Variants in MLLT10 observed in about 807,000 individuals in gnomAD.
MLLT10 encodes protein AF-10.
MLLT10 carries 30 observed loss-of-function variants against 129.1 expected under a neutral mutation model. That is an observed-to-expected ratio of 0.23 (90% confidence interval 0.17 to 0.32). MLLT10 has a LOEUF of 0.32. MLLT10 is among the 10% of genes least tolerant of loss of function. The pLI, the probability that MLLT10 is intolerant of heterozygous loss-of-function variation, is 1.00. For missense variants in MLLT10, 1,119 were observed against 1,268.3 expected (o/e 0.88, Z 1.79); for synonymous variants, 490 against 446.4 (o/e 1.10, Z -1.23).
At chr10:21,549,023 A>G (rs2036545046) in intron 3 of MLLT10, among the ~76,000 whole-genome samples, 1 of 151,712 alleles carries the variant, frequency 6.6e-6, no homozygotes, top group Admixed American at 6.6e-5. Context: ...ATGAGTTGTG[A>G]AGATGTCACT....
In MLLT10 at chr10:21,741,876, A is replaced by G. The variant is rs549180645; in HGVS notation, c.3163-63A>G. On this transcript the variant is annotated intron_variant, in intron 22 of 22. Transcript: ENST00000307729. ...ACATTTTATCTCAGTCACAGTTTCA[A>G]ATTCGGAGAATATTATCAAAAGTTG... The G allele has an allele frequency of 2.5e-5, 39 of 1,545,520 alleles. No individual in the cohort carries two copies. In the African/African-American group the frequency reaches 2.7e-4, roughly 11 times the overall value.
chr10:21,673,796 C>G lies in MLLT10; in HGVS notation c.1498C>G (p.Pro500Ala). Residue 500 changes from proline (P) to alanine (A), a missense_variant, in exon 11 of 23, where the codon CCA (proline) becomes GCA (alanine). By Grantham distance (27) the Pro-to-Ala change is conservative. Around this residue, in one of 5 missense-constraint regions of MLLT10, gnomAD observed 1,004 missense variants for 1,008.7 expected, o/e 1.00. Transcript: ENST00000307729. Reference protein sequence around the residue: ...VSHLSVSSASPTSSVASAAGS... With the variant: ...VSHLSVSSASATSSVASAAGS... ...TCATCTCTCAGTTTCTTCTGCTTCA[C>G]CAACATCATCTGTAGCATCAGCTGC... 1 of 1,614,176 alleles carries G rather than the reference C, an allele frequency of 6.2e-7. No individual in the cohort carries two copies. The highest frequency in any genetic ancestry group is 8.5e-7 in the Non-Finnish European group (1 of 1,180,020).
intron 13 of MLLT10, among the ~76,000 whole-genome samples, chr10:21,712,434 G>A (rs78521317): frequency 3.5e-3 from 527 of 152,128 alleles, no homozygotes; most frequent in African/African-American, 0.012. Flanking sequence ...CTATGTTGAT[G>A]TTTTTTTGGA....
chr10:21,670,309 C>T, intron 9 of MLLT10, 140 bp from the exon 10 acceptor site: 1 of 672,816 alleles, frequency 1.5e-6, no homozygotes. Flanking sequence ...GGATGATTTT[C>T]TTAGGTGAAC....
intron 2 of MLLT10, among the ~76,000 whole-genome samples, 173 bp downstream of exon 2, chr10:21,534,977 G>A (rs935886258): frequency 6.7e-6 from 1 of 149,484 alleles, no homozygotes; most frequent in African/African-American, 2.4e-5. Flanking sequence ...GAGAAAGTGC[G>A]TGTGGCCCGG....
chr10:21,674,735 A>C (rs1254786964), intron 11 of MLLT10, among the ~76,000 whole-genome samples: 1 of 152,204 alleles, frequency 6.6e-6, no homozygotes, highest in African/African-American at 2.4e-5. Context: ...AATGGTTTTC[A>C]ATAAATGTTG....
intron 3 of MLLT10, among the ~76,000 whole-genome samples, chr10:21,542,216 CTT>C (rs1300050456): frequency 6.6e-6 from 1 of 152,138 alleles, no homozygotes; most frequent in Non-Finnish European, 1.5e-5. Flanking sequence ...TGCTTCCACT[CTT>C]TTATTCTCTC....
intron 8 of MLLT10, among the ~76,000 whole-genome samples, chr10:21,635,549 A>G (rs1273422656): frequency 6.6e-6 from 1 of 151,912 alleles, no homozygotes; most frequent in Non-Finnish European, 1.5e-5. Context: ...TAGTTTTAGT[A>G]GAGACTGTGT....
intron 8 of MLLT10, among the ~76,000 whole-genome samples, chr10:21,622,634 C>T (rs901030819): frequency 2.6e-5 from 4 of 152,048 alleles, no homozygotes; most frequent in Non-Finnish European, 5.9e-5. Flanking sequence ...TTTGTTATGC[C>T]TGTTAATGTT....
intron 3 of MLLT10, chr10:21,541,342 T>G (rs2035123440): frequency 6.6e-6 from 1 of 151,928 alleles, no homozygotes. Context: ...CGCAGCTTCC[T>G]GAGTAGCTGG....
intron 3 of MLLT10, among the ~76,000 whole-genome samples, chr10:21,577,003 A>G (rs2040839115): frequency 6.6e-6 from 1 of 152,210 alleles, no homozygotes; most frequent in Admixed American, 6.5e-5. Context: ...CTCAAGAAGA[A>G]GCCCTTTGGC....
intron 3 of MLLT10, among the ~76,000 whole-genome samples, chr10:21,565,945 CTTTTTTTTTTTT>C (rs1204388391): frequency 1.5e-4 from 12 of 79,356 alleles, no homozygotes; most frequent in African/African-American, 5.6e-4. Flanking sequence ...CAATCTTTGG[CTTTTTTTTTTTT>C]TTTTTTTTTT....
At chr10:21,726,506 AAT>A in intron 15 of MLLT10, 151 bp downstream of exon 15, 1 of 504,208 alleles carries the variant, frequency 2.0e-6, no homozygotes, top group South Asian at 3.9e-5. Flanking sequence ...GAAAATGTTA[AAT>A]ATTTCAGGTG....
chr10:21,587,933 C>T (rs534240318), intron 4 of MLLT10, among the ~76,000 whole-genome samples: 28 of 152,302 alleles, frequency 1.8e-4, no homozygotes, highest in Non-Finnish European at 3.7e-4. Flanking sequence ...GTTTCTTTTG[C>T]ATATTCAAAT....
At chr10:21,567,755 T>C (rs1260174141) in intron 3 of MLLT10, among the ~76,000 whole-genome samples, 1 of 152,068 alleles carries the variant, frequency 6.6e-6, no homozygotes, top group Non-Finnish European at 1.5e-5. Context: ...AAGTTTTCTT[T>C]CTGGTTAACA....
In MLLT10 at chr10:21,726,326, T is replaced by C; in HGVS notation, c.1961T>C (p.Leu654Pro). The C allele has an allele frequency of 1.2e-6, 2 of 1,612,388 alleles. No homozygotes were observed. Among genetic ancestry groups the C allele is most frequent in the East Asian group, 4.5e-5 (2 of 44,756 alleles). Residue 654 changes from leucine to proline, a missense_variant, in exon 15 of 23, where the codon CTT (leucine) becomes CCT (proline). Physicochemically the swap from Leu to Pro is moderately conservative, Grantham distance 98. Coordinates refer to ENST00000307729, the MANE Select transcript of MLLT10 (RefSeq NM_001195626.3). ...AGATCAAATTCATCAATGGCAGCTC[T>C]TATAGCTCAGTCTGAAAACAATCAA... ...GNRSNSSMAA[L>P]IAQSENNQTD...
chr10:21,550,868 C>T (rs1251646257), intron 3 of MLLT10, among the ~76,000 whole-genome samples: 4 of 151,794 alleles, frequency 2.6e-5, no homozygotes, highest in Non-Finnish European at 5.9e-5. Flanking sequence ...TTTCTGCCAC[C>T]TGGAGAGTTA....
chr10:21,722,840 CT>C (rs2131548596), intron 14 of MLLT10, among the ~76,000 whole-genome samples: 1 of 152,218 alleles, frequency 6.6e-6, no homozygotes, highest in East Asian at 1.9e-4. Context: ...TTTGTGTAGT[CT>C]TTGGTATCTC....
chr10:21,718,325 T>C (rs1410052322), intron 14 of MLLT10, among the ~76,000 whole-genome samples: 2 of 152,212 alleles, frequency 1.3e-5, no homozygotes, highest in African/African-American at 4.8e-5. Flanking sequence ...TCCATGTGAC[T>C]GTTAATCATG....
Sources: allele counts gnomAD v4.1 joint callset (sites outside exome capture counted in the v4.1 genomes callset), GRCh38; gene constraint gnomAD v4.1.1; regional missense constraint gnomAD v4.1.1; transcripts MANE v1.5; gene names NCBI Gene and HGNC (gene_info 2026-07-23, HGNC 2026-07-21).